The following EMCN variants were observed in gnomAD, a reference collection of about 807,000 sequenced individuals.
The protein encoded by EMCN is endomucin, also known as MUC-14.
Under a neutral mutation model 38.4 loss-of-function variants are expected in EMCN, and 37 were observed. The ratio of observed to expected loss-of-function variants is 0.96; its 90% CI spans 0.74 to 1.27. The LOEUF is 1.27. EMCN is among the 50% of genes most tolerant of loss of function. The probability of loss-of-function intolerance (pLI) is 0.00; values close to 1 mark genes in which losing one functional copy is unlikely to be tolerated. For synonymous variants in EMCN, 95 were observed against 100.8 expected, an observed-to-expected ratio of 0.94 and a Z score of 0.35; for missense variants, 318 against 302.8, an observed-to-expected ratio of 1.05 and a Z score of -0.37.
intron 1 of EMCN, among the ~76,000 whole-genome samples, chr4:100,511,948 C>T (rs1284900803): frequency 6.6e-6 from 1 of 152,172 alleles, no homozygotes; most frequent in Non-Finnish European, 1.5e-5. Context: ...TTGTCAGGAG[C>T]TGTCTCATAG....
chr4:100,404,366 G>A (rs894842730), intron 11 of EMCN, among the ~76,000 whole-genome samples: 7 of 152,062 alleles, frequency 4.6e-5, no homozygotes, highest in Non-Finnish European at 7.4e-5. Flanking sequence ...ATGGTTATAC[G>A]TGTGTGGCAT....
chr4:100,513,923 T>C (rs1033421142), intron 1 of EMCN, among the ~76,000 whole-genome samples: 4 of 152,156 alleles, frequency 2.6e-5, no homozygotes, highest in African/African-American at 9.6e-5. Context: ...AAGGCACTTA[T>C]AATCTTGTAG....
intron 5 of EMCN, among the ~76,000 whole-genome samples, chr4:100,427,972 G>A (rs914778026): frequency 6.6e-6 from 1 of 151,882 alleles, no homozygotes; most frequent in Non-Finnish European, 1.5e-5. Context: ...CTTCATCTCC[G>A]AACTAAATCC....
At chr4:100,430,923 T>C (rs1727178635) in intron 5 of EMCN, among the ~76,000 whole-genome samples, 2 of 152,216 alleles carry the variant, frequency 1.3e-5, no homozygotes, top group South Asian at 4.1e-4. Flanking sequence ...TATTTCTAGC[T>C]TGAGTGGATC....
intron 4 of EMCN, among the ~76,000 whole-genome samples, chr4:100,455,561 C>T (rs150481600): frequency 1.3e-3 from 187 of 146,584 alleles, no homozygotes; most frequent in African/African-American, 3.2e-3. Flanking sequence ...TGTTTTCTGG[C>T]ATGCATTGTT....
intron 1 of EMCN, among the ~76,000 whole-genome samples, chr4:100,485,353 G>A (rs1728914182): frequency 6.6e-6 from 1 of 151,938 alleles, no homozygotes; most frequent in Non-Finnish European, 1.5e-5. Context: ...ATGATTTTGT[G>A]CATTTTTATT....
intron 3 of EMCN, among the ~76,000 whole-genome samples, chr4:100,472,349 T>A (rs35517523): frequency 0.088 from 13,384 of 151,798 alleles, 729 homozygotes; most frequent in South Asian, 0.14. Flanking sequence ...TAAAAAATTA[T>A]TTTATTACAA....
chr4:100,402,252 T>A (rs3775350), intron 11 of EMCN, among the ~76,000 whole-genome samples: 1 of 151,924 alleles, frequency 6.6e-6, no homozygotes, highest in East Asian at 1.9e-4. Context: ...TACTGTGCAC[T>A]AAATAGATGA....
At chr4:100,511,152 T>C (rs913104282) in intron 1 of EMCN, among the ~76,000 whole-genome samples, 2 of 152,202 alleles carry the variant, frequency 1.3e-5, no homozygotes, top group Non-Finnish European at 1.5e-5. Flanking sequence ...CTTACTGAAG[T>C]GTCACTACAT....
Position 100,489,348 on chromosome 4 carries a change from G to A in EMCN, c.65-9309C>T, listed in dbSNP as rs183502812. ...AACAAATTAGGGTATATGATCTTAT[G>A]GTAATTCTATTTTTAATTTTTTGAG... is the stretch of plus-strand genomic sequence containing the variant. On this transcript the variant is annotated intron_variant, in intron 1 of 11. Coordinates refer to ENST00000296420, the MANE Select transcript of EMCN (RefSeq NM_016242.4). Among the ~76,000 whole-genome samples, 1,329 of 152,202 alleles carry A rather than the reference G, an allele frequency of 8.7e-3. 5 individuals are homozygous for A. Among genetic ancestry groups the A allele is most frequent in the Non-Finnish European group, 0.012 (848 of 68,012 alleles).
chr4:100,465,240 C>T (rs2110263246), intron 4 of EMCN, among the ~76,000 whole-genome samples, 183 bp downstream of exon 4: 1 of 152,236 alleles, frequency 6.6e-6, no homozygotes, highest in East Asian at 1.9e-4. Context: ...TCCTTTGTGG[C>T]TGCAGTGGGA....
chr4:100,499,837 C>A (rs938953614), intron 1 of EMCN, among the ~76,000 whole-genome samples: 8 of 152,284 alleles, frequency 5.3e-5, no homozygotes, highest in Admixed American at 1.3e-4. Context: ...GCAGTCACAT[C>A]TTACAGAAAG....
At chr4:100,450,954 T>G (rs929619852) in intron 4 of EMCN, among the ~76,000 whole-genome samples, 2 of 151,848 alleles carry the variant, frequency 1.3e-5, no homozygotes, top group Non-Finnish European at 1.5e-5. Flanking sequence ...CCTTTTCAGC[T>G]TTCTTGCAGT....
intron 5 of EMCN, among the ~76,000 whole-genome samples, chr4:100,435,205 A>G: frequency 6.6e-6 from 1 of 152,192 alleles, no homozygotes; most frequent in East Asian, 1.9e-4. Flanking sequence ...ATGTGCAAAA[A>G]TCACTAGCAT....
At chr4:100,443,074 T>G (rs1727567525) in intron 5 of EMCN, among the ~76,000 whole-genome samples, 1 of 152,190 alleles carries the variant, frequency 6.6e-6, no homozygotes, top group African/African-American at 2.4e-5. Context: ...GGTTTTGAAC[T>G]CCTGACTTCA....
At chr4:100,400,640 T>C (rs941230005) in intron 11 of EMCN, among the ~76,000 whole-genome samples, 3 of 152,150 alleles carry the variant, frequency 2.0e-5, no homozygotes, top group Admixed American at 6.6e-5. Context: ...TACTCCTCCA[T>C]AGATGAGTTT....
chr4:100,453,219 T>C (rs892582737), intron 4 of EMCN, among the ~76,000 whole-genome samples: 2 of 151,922 alleles, frequency 1.3e-5, no homozygotes, highest in African/African-American at 4.8e-5. Flanking sequence ...GAAACCACCA[T>C]CAGAGTGAAC....
chr4:100,498,164 A>C (rs1560641742), intron 1 of EMCN, among the ~76,000 whole-genome samples: 1 of 152,186 alleles, frequency 6.6e-6, no homozygotes, highest in Non-Finnish European at 1.5e-5. Flanking sequence ...AGTTGGAATG[A>C]TTTACTGTTT....
chr4:100,477,380 C>T (rs1728690125), intron 2 of EMCN, among the ~76,000 whole-genome samples: 1 of 152,172 alleles, frequency 6.6e-6, no homozygotes, highest in Admixed American at 6.5e-5. Context: ...ACAAAATGTG[C>T]ATTGCACTTG....
Sources: allele counts gnomAD v4.1 joint callset (sites outside exome capture counted in the v4.1 genomes callset), GRCh38; gene constraint gnomAD v4.1.1; transcripts MANE v1.5; gene names NCBI Gene and HGNC (gene_info 2026-07-23, HGNC 2026-07-21).